Variants in TOMM34 observed in about 807,000 individuals in gnomAD.
The protein encoded by TOMM34 is translocase of outer mitochondrial membrane 34.
TOMM34 carries 24 observed loss-of-function variants against 37.4 expected under a neutral mutation model. The ratio of observed to expected loss-of-function variants is 0.64; its 90% CI spans 0.46 to 0.90. The LOEUF is 0.90. Among genes scored for constraint, TOMM34 ranks in the 40% least tolerant of loss-of-function variants. The pLI, the probability that TOMM34 is intolerant of heterozygous loss-of-function variation, is 0.00. For missense variants in TOMM34, 304 were observed against 375.6 expected, an observed-to-expected ratio of 0.81 and a Z score of 1.58; for synonymous variants, 154 against 148.9, an observed-to-expected ratio of 1.03 and a Z score of -0.25.
intron 3 of TOMM34, among the ~76,000 whole-genome samples, chr20:44,952,871 T>C (rs2067038053): frequency 6.6e-6 from 1 of 152,220 alleles, no homozygotes. Context: ...CTAGGCTGTT[T>C]TCCTGGCGGC....
At position 44,956,449 on chromosome 20, in the gene TOMM34, G is replaced by C. The variant is rs575125074; in HGVS notation, c.164C>G (p.Ser55Cys). The C allele has an allele frequency of 6.2e-7, 1 of 1,614,188 alleles. No individual in the cohort carries two copies. The highest frequency in any genetic ancestry group is 1.3e-5 in the African/African-American group (1 of 75,052). ...CTTCAAGTGACATGCTGCTCGGTTG[G>C]AGTAGAGAACACTTTCTTCTTCTGG... ...SDPEEESVLY[S>C]NRAACHLKDG... The change falls in exon 2 of 7, where the codon TCC becomes TGC. Residue 55 changes from serine to cysteine, a missense_variant. Ser to Cys is a moderately radical substitution (Grantham distance 112). Transcript: ENST00000372813.
intron 3 of TOMM34, among the ~76,000 whole-genome samples, chr20:44,953,657 G>A (rs564689295): frequency 8.5e-5 from 13 of 152,108 alleles, no homozygotes; most frequent in African/African-American, 2.4e-4. Flanking sequence ...AGTCACCTCC[G>A]ACTGAATGTC....
intron 5 of TOMM34, among the ~76,000 whole-genome samples, chr20:44,943,949 T>C (rs2066958493): frequency 6.6e-6 from 1 of 151,914 alleles, no homozygotes; most frequent in Admixed American, 6.6e-5. Context: ...CCTTGACAGA[T>C]TAAAAAATTA....
intron 1 of TOMM34, 73 bp downstream of exon 1, chr20:44,960,134 G>A: frequency 6.7e-7 from 1 of 1,487,406 alleles, no homozygotes; most frequent in Non-Finnish European, 8.9e-7. Flanking sequence ...GCTGGCCGCC[G>A]CGCGAGGCCC....
chr20:44,952,715 T>C (rs2067036768), intron 3 of TOMM34: 4 of 716,474 alleles, frequency 5.6e-6, no homozygotes, highest in Non-Finnish European at 1.0e-5. Flanking sequence ...GTATGTCACC[T>C]AGCAACCACC....
intron 3 of TOMM34, 72 bp downstream of exon 3, chr20:44,954,996 G>A: frequency 1.3e-6 from 2 of 1,558,166 alleles, no homozygotes; most frequent in South Asian, 2.4e-5. Flanking sequence ...AGACAGACAA[G>A]GCAATGGCCC....
chr20:44,959,148 A>G (rs2067103225), intron 1 of TOMM34: 1 of 152,112 alleles, frequency 6.6e-6, no homozygotes, highest in South Asian at 2.1e-4. Flanking sequence ...ATCAAAGGAG[A>G]TCGTGTCTAA....
intron 1 of TOMM34, chr20:44,959,968 T>C (rs2145612038): frequency 1.0e-6 from 1 of 985,434 alleles, no homozygotes; most frequent in East Asian, 1.1e-4. Flanking sequence ...GAGGAGGGTT[T>C]AGCTTTCTTC....
intron 1 of TOMM34, 78 bp from the exon 2 acceptor site, chr20:44,956,563 A>G: frequency 7.2e-7 from 1 of 1,394,436 alleles, no homozygotes; most frequent in South Asian, 1.2e-5. Context: ...TCAAACTCAG[A>G]GCTCTTTGGG....
At chr20:44,954,246 T>C (rs1165951791) in intron 3 of TOMM34, among the ~76,000 whole-genome samples, 1 of 152,306 alleles carries the variant, frequency 6.6e-6, no homozygotes, top group East Asian at 1.9e-4. Flanking sequence ...TGTTGTATTG[T>C]GCTTGCCTAT....
chr20:44,948,235 T>A (rs2066997149), intron 5 of TOMM34, among the ~76,000 whole-genome samples: 1 of 152,204 alleles, frequency 6.6e-6, no homozygotes, highest in Admixed American at 6.5e-5. Flanking sequence ...GGTGCAGGAC[T>A]TTCTACAGGC....
At chr20:44,954,074 G>A (rs984226938) in intron 3 of TOMM34, among the ~76,000 whole-genome samples, 5 of 152,060 alleles carry the variant, frequency 3.3e-5, no homozygotes, top group Non-Finnish European at 5.9e-5. Flanking sequence ...CTTTGCACAC[G>A]CTGCTCTGTC....
intron 5 of TOMM34, among the ~76,000 whole-genome samples, chr20:44,946,575 G>C (rs2066982538): frequency 6.6e-6 from 1 of 152,194 alleles, no homozygotes; most frequent in Admixed American, 6.5e-5. Context: ...CTAAGCTGAA[G>C]AACTGTTGTG....
chr20:44,952,079 AG>A (rs1384164664), intron 3 of TOMM34, 77 bp from the exon 4 acceptor site: 58 of 1,504,508 alleles, frequency 3.9e-5, no homozygotes, highest in Non-Finnish European at 4.9e-5. Flanking sequence ...CACCCATGGG[AG>A]GTAGGCCTTT....
chr20:44,951,139 A>G (rs2067022613), intron 4 of TOMM34, among the ~76,000 whole-genome samples: 1 of 152,196 alleles, frequency 6.6e-6, no homozygotes, highest in Non-Finnish European at 1.5e-5. Flanking sequence ...TGTGACCATG[A>G]AGACCAGAAT....
chr20:44,960,044 GGAAA>G, intron 1 of TOMM34, 159 bp downstream of exon 1: 3 of 984,154 alleles, frequency 3.0e-6, no homozygotes, highest in African/African-American at 1.7e-5. Flanking sequence ...ACAAGCAGGT[GGAAA>G]GAAAGGGCCG....
In TOMM34 at chr20:44,948,749, A is replaced by C; in HGVS notation, c.679T>G (p.Ser227Ala). ...SESLLCSNLE[S>A]ATYSNRALCY... ...AGATACCTGTTGCTGTACGTGGCAG[A>C]TTCCAGGTTACTACACAAGAGGCTT... is the stretch of plus-strand genomic sequence containing the variant. The change falls in exon 5 of 7, where the codon TCT becomes GCT. Residue 227 changes from serine (S) to alanine (A), a missense_variant. Ser to Ala is a moderately conservative substitution (Grantham distance 99). Transcript: ENST00000372813. 5 of 1,614,198 alleles carry C rather than the reference A, an allele frequency of 3.1e-6. No homozygotes were observed. The highest frequency in any genetic ancestry group is 4.2e-6 in the Non-Finnish European group (5 of 1,180,000).
At chr20:44,955,356 C>A (rs1383099766) in intron 2 of TOMM34, 136 bp from the exon 3 acceptor site, 1 of 1,075,390 alleles carries the variant, frequency 9.3e-7, no homozygotes, top group Non-Finnish European at 1.3e-6. Flanking sequence ...TGGCTAAAAA[C>A]GCCAAACCTC....
Position 44,948,755 on chromosome 20 carries a change from G to T in TOMM34, c.673C>A (p.Leu225Met). ...CTGTTGCTGTACGTGGCAGATTCCA[G>T]GTTACTACACAAGAGGCTTTCACTG... ...KYSESLLCSN[L>M]ESATYSNRAL... The change falls in exon 5 of 7, where the codon CTG becomes ATG. Residue 225 changes from leucine to methionine, a missense_variant. Leu to Met is a conservative substitution (Grantham distance 15). Coordinates refer to ENST00000372813, the MANE Select transcript of TOMM34 (RefSeq NM_006809.5). The T allele has an allele frequency of 6.2e-7, 1 of 1,614,164 alleles. No individual in the cohort carries two copies. Among genetic ancestry groups the T allele is most frequent in the Non-Finnish European group, 8.5e-7 (1 of 1,179,998 alleles).
Sources: allele counts gnomAD v4.1 joint callset (sites outside exome capture counted in the v4.1 genomes callset), GRCh38; gene constraint gnomAD v4.1.1; transcripts MANE v1.5; gene names NCBI Gene and HGNC (gene_info 2026-07-23, HGNC 2026-07-21).